SEPTIN10: variants seen among roughly 807,000 people sequenced by gnomAD.
SEPTIN10 encodes septin-10.
SEPTIN10 carries 66 observed loss-of-function variants against 54.8 expected under a neutral mutation model. The ratio of observed to expected loss-of-function variants is 1.21; its 90% CI spans 0.99 to 1.48. The LOEUF (loss-of-function observed/expected upper bound fraction) is 1.48, where lower values mean the gene tolerates loss of function less well. Ranked by LOEUF, SEPTIN10 falls within the 40% of genes most tolerant of loss-of-function variation. The pLI is 0.00. For missense variants in SEPTIN10, 620 were observed against 545.6 expected, an observed-to-expected ratio of 1.14 and a Z score of -1.36; for synonymous variants, 161 against 181.0, an observed-to-expected ratio of 0.89 and a Z score of 0.89.
chr2:109,564,608 G>T, intron 7 of SEPTIN10, 74 bp from the exon 8 acceptor site: 1 of 1,271,472 alleles, frequency 7.9e-7, no homozygotes, highest in South Asian at 2.3e-5. Context: ...TTTGCTGAAT[G>T]AACAAATAAA....
intron 1 of SEPTIN10, among the ~76,000 whole-genome samples, chr2:109,596,922 T>A (rs1558872950): frequency 6.6e-6 from 1 of 152,196 alleles, no homozygotes; most frequent in African/African-American, 2.4e-5. Flanking sequence ...TGGAAAAGAT[T>A]TTCTTAATTT....
intron 8 of SEPTIN10, among the ~76,000 whole-genome samples, chr2:109,554,018 T>C (rs2104824293): frequency 6.6e-6 from 1 of 152,328 alleles, no homozygotes; most frequent in African/African-American, 2.4e-5. Context: ...TCGTATGGTA[T>C]ATTTCTGGTC....
intron 1 of SEPTIN10, chr2:109,613,130 C>G (rs1573927870): frequency 3.9e-6 from 5 of 1,274,882 alleles, no homozygotes; most frequent in Non-Finnish European, 5.1e-6. Flanking sequence ...CTTTGGAAAA[C>G]TCGATGTACA....
At chr2:109,564,575 A>C (rs1686518940) in intron 7 of SEPTIN10, 41 bp from the exon 8 acceptor site, 4 of 1,440,446 alleles carry the variant, frequency 2.8e-6, no homozygotes, top group Non-Finnish European at 3.7e-6. Flanking sequence ...ACTGGATTTT[A>C]ATTCCTGGCA....
chr2:109,543,214 ATTT>A lies in SEPTIN10; in HGVS notation c.*1092_*1094del, dbSNP rs1295309204. The A allele has an allele frequency of 6.6e-6, 1 of 152,618 alleles. No individual in the cohort carries two copies. Among genetic ancestry groups the A allele is most frequent in the Non-Finnish European group, 1.5e-5 (1 of 68,022 alleles). 9.5% of individuals were successfully genotyped at this position (152,618 alleles called of 1,614,324 possible). A position where few individuals can be genotyped will look rare whatever the true frequency, so the allele number is the denominator to read the frequency against. ...GTTCATAGTTATTTTCTTAAAAAGT[ATTT>A]TTAATAAAATGATTCAACCTTATTA... On this transcript the variant is annotated 3_prime_UTR_variant, in exon 11 of 11. Coordinates refer to ENST00000397712, the MANE Select transcript of SEPTIN10 (RefSeq NM_144710.5).
rs1285536960 is a variant in SEPTIN10, at chr2:109,588,850, T to TTA, written c.100-3013_100-3012insTA. 3.6e-5 allele frequency among the ~76,000 whole-genome samples: 4 copies of TTA among 111,446 alleles called. No individual in the cohort carries two copies. In the East Asian group the frequency reaches 1.0e-3, roughly 28 times the overall value. 73.1% of individuals were successfully genotyped at this position (111,446 alleles called of 152,430 possible). On this transcript the variant is annotated intron_variant, in intron 2 of 10. Coordinates refer to ENST00000397712, the MANE Select transcript of SEPTIN10 (RefSeq NM_144710.5). ...AGTTAAAGCCTAGGTCAATTACTAT[T>TTA]AAAAAAAAAAAAAAAAAAGCGAAAG...
chr2:109,578,849 C>T (rs1056846028), intron 4 of SEPTIN10, among the ~76,000 whole-genome samples: 2 of 151,788 alleles, frequency 1.3e-5, no homozygotes, highest in African/African-American at 4.8e-5. Context: ...GCCACGCTTA[C>T]AGGGTAGTTT....
At chr2:109,603,291 G>C (rs1697079495) in intron 1 of SEPTIN10, among the ~76,000 whole-genome samples, 1 of 151,724 alleles carries the variant, frequency 6.6e-6, no homozygotes. Flanking sequence ...CTGGAGTGCA[G>C]TGGCGCAATC....
At chr2:109,589,507 AAGAC>A (rs1268221310) in intron 2 of SEPTIN10, among the ~76,000 whole-genome samples, 1 of 152,104 alleles carries the variant, frequency 6.6e-6, no homozygotes, top group African/African-American at 2.4e-5. Flanking sequence ...TCCAGCCTGG[AAGAC>A]AGAGCAAGAC....
At chr2:109,573,887 T>C (rs796933146) in intron 5 of SEPTIN10, among the ~76,000 whole-genome samples, 7 of 152,342 alleles carry the variant, frequency 4.6e-5, no homozygotes, top group African/African-American at 1.4e-4. Flanking sequence ...AATTAAAATG[T>C]ATTTTACGAC....
chr2:109,577,207 C>A (rs1689885317), intron 4 of SEPTIN10, among the ~76,000 whole-genome samples: 1 of 152,148 alleles, frequency 6.6e-6, no homozygotes, highest in Admixed American at 6.6e-5. Flanking sequence ...GTACATCCAA[C>A]TAAAATTTCA....
chr2:109,585,035 T>C (rs1692146973), intron 4 of SEPTIN10, 91 bp downstream of exon 4: 3 of 632,022 alleles, frequency 4.7e-6, no homozygotes, highest in East Asian at 2.9e-5. Flanking sequence ...TGGATTACCA[T>C]AGGAGAAAAT....
chr2:109,589,775 CAT>C (rs1693502709), intron 2 of SEPTIN10, among the ~76,000 whole-genome samples: 1 of 151,690 alleles, frequency 6.6e-6, no homozygotes, highest in African/African-American at 2.4e-5. Flanking sequence ...ATAATGAAAA[CAT>C]ATGTCCACCC....
At chr2:109,544,640 G>A (rs1680713994) in intron 10 of SEPTIN10, 3 of 930,618 alleles carry the variant, frequency 3.2e-6, no homozygotes, top group Non-Finnish European at 3.8e-6. Flanking sequence ...AGTAACACTG[G>A]GTTAAGATGA....
intron 2 of SEPTIN10, among the ~76,000 whole-genome samples, chr2:109,589,107 T>C (rs531286608): frequency 6.7e-6 from 1 of 150,146 alleles, no homozygotes; most frequent in African/African-American, 2.5e-5. Context: ...TTGTGGTTTT[T>C]TTGTTTGTTT....
intron 2 of SEPTIN10, among the ~76,000 whole-genome samples, chr2:109,587,934 A>G (rs927786056): frequency 4.0e-5 from 6 of 151,814 alleles, no homozygotes; most frequent in Middle Eastern, 3.4e-3. Flanking sequence ...ACAAAAACAA[A>G]CACACACAAA....
At chr2:109,554,851 G>A (rs1231549890) in intron 8 of SEPTIN10, among the ~76,000 whole-genome samples, 1 of 152,080 alleles carries the variant, frequency 6.6e-6, no homozygotes, top group Non-Finnish European at 1.5e-5. Context: ...GTGCTGATAT[G>A]GAGTACTAGA....
chr2:109,600,538 GAAA>G (rs796837171), intron 1 of SEPTIN10, among the ~76,000 whole-genome samples: 2 of 132,346 alleles, frequency 1.5e-5, no homozygotes, highest in African/African-American at 5.6e-5. Context: ...GCAATGAGTT[GAAA>G]AAAAAAAAAA....
At chr2:109,585,911 T>C (rs1428138674) in intron 2 of SEPTIN10, 73 bp from the exon 3 acceptor site, 3 of 1,044,556 alleles carry the variant, frequency 2.9e-6, no homozygotes, top group East Asian at 2.5e-5. Context: ...GTAGGCACAC[T>C]TGAAGGACAA....
Sources: allele counts gnomAD v4.1 joint callset (sites outside exome capture counted in the v4.1 genomes callset), GRCh38; gene constraint gnomAD v4.1.1; transcripts MANE v1.5; gene names NCBI Gene and HGNC (gene_info 2026-07-23, HGNC 2026-07-21).